ERP44: variants seen among roughly 807,000 people sequenced by gnomAD.
The protein encoded by ERP44 is endoplasmic reticulum protein 44.
Under a neutral mutation model 53.4 loss-of-function variants are expected in ERP44, and 25 were observed. The ratio of observed to expected loss-of-function variants is 0.47; its 90% CI spans 0.34 to 0.65. ERP44 has a LOEUF of 0.65. Among genes scored for constraint, ERP44 ranks in the 30% least tolerant of loss-of-function variants. The probability of loss-of-function intolerance (pLI) is 0.01; values close to 1 mark genes in which losing one functional copy is unlikely to be tolerated. For missense variants in ERP44, 338 were observed against 493.2 expected (o/e 0.69, Z 2.98); for synonymous variants, 145 against 161.2 (o/e 0.90, Z 0.76).
chr9:100,039,149 G>A (rs567603225), intron 4 of ERP44, among the ~76,000 whole-genome samples: 8 of 152,124 alleles, frequency 5.3e-5, no homozygotes, highest in Admixed American at 2.6e-4. Flanking sequence ...AATCAACAAG[G>A]AAACATCACA....
chr9:100,033,507 T>C (rs1389327589), intron 4 of ERP44, among the ~76,000 whole-genome samples: 2 of 152,240 alleles, frequency 1.3e-5, no homozygotes, highest in African/African-American at 4.8e-5. Context: ...AGATTCCTTC[T>C]ATGAAAGAAA....
intron 4 of ERP44, among the ~76,000 whole-genome samples, chr9:100,027,683 T>TCCTG (rs1446570286): frequency 1.3e-5 from 2 of 152,140 alleles, no homozygotes; most frequent in Non-Finnish European, 2.9e-5. Context: ...CCTTGATGGG[T>TCCTG]CCTGCCTGCC....
At position 99,980,163 on chromosome 9, in the gene ERP44, A is replaced by C. The variant is rs1025049769; in HGVS notation, c.*2449T>G. The C allele has an allele frequency of 1.8e-5, 7 of 397,836 alleles. No homozygotes were observed. Among genetic ancestry groups the C allele is most frequent in the African/African-American group, 1.2e-4 (6 of 48,612 alleles). 24.6% of individuals were successfully genotyped at this position (397,836 alleles called of 1,614,324 possible). Reference sequence around the variant, plus strand: ...AATCTCTGCAATTGAGTGCTCCTTTATGCCCTCTTTAACCTTTATTTTGTC... The same window carrying C: ...AATCTCTGCAATTGAGTGCTCCTTTCTGCCCTCTTTAACCTTTATTTTGTC... On this transcript the variant is annotated 3_prime_UTR_variant, in exon 12 of 12. Coordinates refer to ENST00000262455, the MANE Select transcript of ERP44 (RefSeq NM_015051.3).
chr9:100,017,524 A>G (rs1418075527), intron 7 of ERP44, among the ~76,000 whole-genome samples: 1 of 152,232 alleles, frequency 6.6e-6, no homozygotes, highest in Non-Finnish European at 1.5e-5. Flanking sequence ...GCAAACACCT[A>G]TGTGAATTCA....
chr9:100,042,907 G>T (rs1035690121), intron 4 of ERP44, among the ~76,000 whole-genome samples: 13 of 152,044 alleles, frequency 8.6e-5, no homozygotes, highest in African/African-American at 3.1e-4. Flanking sequence ...TTACCAAAGG[G>T]TGGAAAGGGT....
chr9:99,989,165 C>T (rs1223024356), intron 10 of ERP44, among the ~76,000 whole-genome samples: 1 of 152,246 alleles, frequency 6.6e-6, no homozygotes, highest in Non-Finnish European at 1.5e-5. Flanking sequence ...CCTTGTCTGA[C>T]AGCTCTGAAG....
intron 7 of ERP44, among the ~76,000 whole-genome samples, chr9:100,016,671 A>G (rs1475009591): frequency 6.6e-6 from 1 of 152,060 alleles, no homozygotes; most frequent in Admixed American, 6.6e-5. Context: ...CAAGCTAATT[A>G]TTTTATTTTA....
intron 4 of ERP44, among the ~76,000 whole-genome samples, chr9:100,047,168 CTT>C (rs947702074): frequency 6.6e-6 from 1 of 152,142 alleles, no homozygotes; most frequent in Admixed American, 6.5e-5. Flanking sequence ...AGCAGAAAAT[CTT>C]TGTGATCCTG....
At chr9:100,082,110 A>G (rs1391031249) in intron 1 of ERP44, among the ~76,000 whole-genome samples, 1 of 152,138 alleles carries the variant, frequency 6.6e-6, no homozygotes, top group African/African-American at 2.4e-5. Context: ...TAAAAAAGCA[A>G]AAAAACTTTT....
At chr9:99,992,468 C>T (rs921236098) in intron 10 of ERP44, among the ~76,000 whole-genome samples, 3 of 152,130 alleles carry the variant, frequency 2.0e-5, no homozygotes, top group African/African-American at 7.2e-5. Flanking sequence ...ATTCAACAGC[C>T]CTTCATGCTA....
chr9:99,990,728 TAA>T (rs546144126), intron 10 of ERP44, among the ~76,000 whole-genome samples: 3 of 151,990 alleles, frequency 2.0e-5, no homozygotes, highest in Admixed American at 1.3e-4. Context: ...GCAAATTGGA[TAA>T]AGAGTCAAGA....
chr9:99,979,803 G>A lies in ERP44; in HGVS notation c.*2809C>T, dbSNP rs188727332. Reference sequence around the variant, plus strand: ...GAAATGGTCTGATTCACGGTTCAGAGGGGGAACAAGTCTAAATTTGAGACG... The same window carrying A: ...GAAATGGTCTGATTCACGGTTCAGAAGGGGAACAAGTCTAAATTTGAGACG... On this transcript the variant is annotated 3_prime_UTR_variant, in exon 12 of 12. Transcript: ENST00000262455. 5.0e-5 allele frequency: 19 copies of A among 376,344 alleles called. No individual in the cohort carries two copies. The Admixed American group carries it at 9.0e-4, about 18-fold the overall frequency. The allele number at this position is 376,344 out of a possible 1,614,324, so 23.3% of individuals were successfully genotyped here. A position where few individuals can be genotyped will look rare whatever the true frequency, so the allele number is the denominator to read the frequency against.
chr9:100,080,790 T>C (rs1265720153), intron 1 of ERP44, among the ~76,000 whole-genome samples: 2 of 152,082 alleles, frequency 1.3e-5, no homozygotes, highest in Non-Finnish European at 2.9e-5. Flanking sequence ...TAAAGAGCTA[T>C]GGAGTTGATC....
At chr9:100,010,345 C>A (rs1392455509) in intron 8 of ERP44, among the ~76,000 whole-genome samples, 2 of 152,160 alleles carry the variant, frequency 1.3e-5, no homozygotes, top group Non-Finnish European at 1.5e-5. Flanking sequence ...TGGTTGCTTA[C>A]AACATAATAA....
Position 100,016,389 on chromosome 9 carries a change from A to G in ERP44, c.695T>C (p.Val232Ala). 1 of 1,612,686 alleles carries G rather than the reference A, an allele frequency of 6.2e-7. No homozygotes were observed. The highest frequency in any genetic ancestry group is 1.1e-5 in the South Asian group (1 of 90,666). Residue 232 changes from valine (V) to alanine (A), a missense_variant, in exon 8 of 12, where the codon GTG becomes GCG. Val to Ala is a moderately conservative substitution (Grantham distance 64). Coordinates refer to ENST00000262455, the MANE Select transcript of ERP44 (RefSeq NM_015051.3). ...VYLGAMTNFD[V>A]TYNWIQDKCV... The stretch of plus-strand genomic sequence containing the variant: ...TTTATCTTGAATCCAATTGTAAGTC[A>G]CATCAAAATTTGTCATAGCTCCCAA...
chr9:99,991,058 A>T (rs1232911019), intron 10 of ERP44, among the ~76,000 whole-genome samples: 4 of 152,190 alleles, frequency 2.6e-5, no homozygotes, highest in Non-Finnish European at 4.4e-5. Context: ...CTCCCACACA[A>T]TAATAATGGG....
intron 1 of ERP44, among the ~76,000 whole-genome samples, chr9:100,068,348 C>T (rs1346403870): frequency 2.5e-5 from 3 of 120,730 alleles, no homozygotes; most frequent in African/African-American, 6.9e-5. Context: ...GTCAGCCCCC[C>T]GCCCGGCCAG....
intron 10 of ERP44, chr9:99,998,411 C>T (rs1830338374): frequency 4.7e-6 from 3 of 640,824 alleles, no homozygotes; most frequent in Admixed American, 2.6e-5. Flanking sequence ...CAAGGCCGGC[C>T]GGTCCTCGTT....
chr9:100,018,158 G>C, intron 7 of ERP44, 98 bp downstream of exon 7: 1 of 819,294 alleles, frequency 1.2e-6, no homozygotes, highest in Non-Finnish European at 2.1e-6. Context: ...CAATTCTAAA[G>C]TTCTATTAGT....
Sources: gnomAD v4.1 joint callset for allele counts (sites outside exome capture counted in the v4.1 genomes callset) on GRCh38, gnomAD v4.1.1 for gene constraint, MANE v1.5 for transcripts, NCBI Gene and HGNC (gene_info 2026-07-23, HGNC 2026-07-21) for gene names.